PLXNA4: variants seen among roughly 807,000 people sequenced by gnomAD.
PLXNA4 encodes plexin-A4.
In PLXNA4, 44 loss-of-function variants were observed where a neutral mutation model predicts 191.8. That is an observed-to-expected ratio of 0.23 (90% CI 0.18 to 0.29). PLXNA4 has a LOEUF of 0.29. Among genes scored for constraint, PLXNA4 ranks in the 10% least tolerant of loss-of-function variants. The pLI is 1.00. For synonymous variants in PLXNA4, 1,082 were observed against 1,009.5 expected (o/e 1.07, Z -1.36); for missense variants, 1,800 against 2,488.8 (o/e 0.72, Z 5.89).
At chr7:132,423,953 G>A (rs541819666) in intron 3 of PLXNA4, among the ~76,000 whole-genome samples, 4 of 152,228 alleles carry the variant, frequency 2.6e-5, no homozygotes, top group African/African-American at 9.6e-5. Flanking sequence ...GAACCAGGCG[G>A]GGCTGCATGG....
chr7:132,153,006 T>C (rs1262835858), intron 25 of PLXNA4, among the ~76,000 whole-genome samples: 2 of 152,210 alleles, frequency 1.3e-5, no homozygotes, highest in Non-Finnish European at 2.9e-5. Context: ...TGAGAGGTAG[T>C]TAAACAGGGA....
intron 1 of PLXNA4, among the ~76,000 whole-genome samples, chr7:132,524,917 T>C (rs780383613): frequency 6.6e-6 from 1 of 152,130 alleles, no homozygotes; most frequent in African/African-American, 2.4e-5. Flanking sequence ...CGTGATAAAA[T>C]ATACATTACA....
intron 3 of PLXNA4, among the ~76,000 whole-genome samples, chr7:132,456,287 ATT>A (rs1554443747): frequency 1.3e-5 from 2 of 151,670 alleles, no homozygotes; most frequent in Non-Finnish European, 2.9e-5. Context: ...AATTTTTTAT[ATT>A]TTAGTAGAGA....
At chr7:132,597,558 G>A (rs1802733893) in intron 2 of PLXNA4, among the ~76,000 whole-genome samples, 1 of 150,348 alleles carries the variant, frequency 6.7e-6, no homozygotes, top group Non-Finnish European at 1.5e-5. Flanking sequence ...ATTCAATCAT[G>A]CATCGTCTCT....
At chr7:132,444,646 C>G (rs1404465805) in intron 3 of PLXNA4, among the ~76,000 whole-genome samples, 1 of 152,126 alleles carries the variant, frequency 6.6e-6, no homozygotes, top group Non-Finnish European at 1.5e-5. Flanking sequence ...CCCCAGGCAG[C>G]CTGGTGCACA....
intron 3 of PLXNA4, among the ~76,000 whole-genome samples, chr7:132,329,264 C>T (rs890445061): frequency 6.6e-6 from 1 of 152,220 alleles, no homozygotes; most frequent in South Asian, 2.1e-4. Context: ...CCAGCTCCAG[C>T]CTTACCCTTT....
chr7:132,612,159 A>G (rs1341727257), intron 2 of PLXNA4, among the ~76,000 whole-genome samples: 1 of 152,212 alleles, frequency 6.6e-6, no homozygotes, highest in Non-Finnish European at 1.5e-5. Context: ...AGGATAGCAC[A>G]TGTCCGCTTA....
Position 132,255,252 on chromosome 7 carries a change from G to T in PLXNA4, c.1504-14086C>A, listed in dbSNP as rs187604981. Among the ~76,000 whole-genome samples, 84 of 152,318 alleles carry T rather than the reference G, an allele frequency of 5.5e-4. 2 individuals are homozygous for T. The East Asian group carries it at 0.016, about 29-fold the overall frequency. On this transcript the variant is annotated intron_variant, in intron 4 of 31. Coordinates refer to ENST00000321063, the MANE Select transcript of PLXNA4 (RefSeq NM_020911.2). Reference sequence around the variant, plus strand: ...GGGGACCTGGGACCTGCTGCTGCTGGGACCTGGGCTGTGCAGTCTGAGAGC... The same window carrying T: ...GGGGACCTGGGACCTGCTGCTGCTGTGACCTGGGCTGTGCAGTCTGAGAGC...
intron 3 of PLXNA4, among the ~76,000 whole-genome samples, chr7:132,380,446 C>T (rs1005339226): frequency 1.3e-5 from 2 of 149,890 alleles, no homozygotes; most frequent in African/African-American, 2.5e-5. Flanking sequence ...TCAGAGAACC[C>T]GCCCAGACAG....
At chr7:132,510,294 A>G (rs1348317726) in intron 1 of PLXNA4, among the ~76,000 whole-genome samples, 6 of 152,228 alleles carry the variant, frequency 3.9e-5, no homozygotes, top group African/African-American at 1.2e-4. Flanking sequence ...GTCAGATGGA[A>G]ACCAAGAGAA....
chr7:132,387,848 T>A lies in PLXNA4; in HGVS notation c.1372-89626A>T, dbSNP rs1329380268. 1.3e-5 allele frequency among the ~76,000 whole-genome samples: 2 copies of A among 152,134 alleles called. 1 individual carries two copies. Among genetic ancestry groups the A allele is most frequent in the East Asian group, 3.9e-4 (2 of 5,164 alleles). On this transcript the variant is annotated intron_variant, in intron 3 of 31. Coordinates refer to ENST00000321063, the MANE Select transcript of PLXNA4 (RefSeq NM_020911.2). ...TTGATTATCATTCACCAGGTCTCTA[T>A]GCCCTCAGCCGGAACCATGTTCCTA...
intron 1 of PLXNA4, among the ~76,000 whole-genome samples, chr7:132,566,182 G>T (rs1389176278): frequency 6.6e-6 from 1 of 152,100 alleles, no homozygotes; most frequent in South Asian, 2.1e-4. Flanking sequence ...AGCATGGGGG[G>T]GCTCTATAAT....
chr7:132,282,921 G>C (rs1800539812), intron 4 of PLXNA4, among the ~76,000 whole-genome samples: 1 of 151,738 alleles, frequency 6.6e-6, no homozygotes, highest in Non-Finnish European at 1.5e-5. Context: ...CTGTTACCTA[G>C]GCTGGAGTGC....
intron 3 of PLXNA4, among the ~76,000 whole-genome samples, chr7:132,361,813 G>C (rs1379504744): frequency 6.6e-6 from 1 of 152,100 alleles, no homozygotes; most frequent in Non-Finnish European, 1.5e-5. Context: ...CTATTATGGT[G>C]GGGGTGTGGC....
At chr7:132,489,565 C>T (rs889991673) in intron 2 of PLXNA4, 91 bp from the exon 3 acceptor site, 31 of 1,124,706 alleles carry the variant, frequency 2.8e-5, no homozygotes, top group Non-Finnish European at 3.4e-5. Flanking sequence ...TAGAAGAATC[C>T]TTAGAGATGA....
At chr7:132,249,043 A>C (rs944178236) in intron 4 of PLXNA4, among the ~76,000 whole-genome samples, 2 of 152,224 alleles carry the variant, frequency 1.3e-5, no homozygotes, top group Non-Finnish European at 2.9e-5. Flanking sequence ...GCCTCTAGGC[A>C]GGACCTCTGG....
chr7:132,302,951 A>G (rs1801363104), intron 3 of PLXNA4, among the ~76,000 whole-genome samples: 1 of 152,062 alleles, frequency 6.6e-6, no homozygotes. Context: ...ATCTCAGCTC[A>G]CTGTAACCTC....
At chr7:132,522,684 A>T (rs1453534979) in intron 1 of PLXNA4, among the ~76,000 whole-genome samples, 2 of 152,228 alleles carry the variant, frequency 1.3e-5, no homozygotes, top group African/African-American at 4.8e-5. Context: ...AGGCAGGAAG[A>T]TCACTTGTGC....
chr7:132,548,627 T>C (rs1800412741), intron 1 of PLXNA4, among the ~76,000 whole-genome samples: 1 of 152,190 alleles, frequency 6.6e-6, no homozygotes, highest in African/African-American at 2.4e-5. Flanking sequence ...TTTTAAACCT[T>C]AATCTGTTAT....
Sources: gnomAD v4.1 joint callset for allele counts (sites outside exome capture counted in the v4.1 genomes callset) on GRCh38, gnomAD v4.1.1 for gene constraint, MANE v1.5 for transcripts, NCBI Gene and HGNC (gene_info 2026-07-23, HGNC 2026-07-21) for gene names.